UBE2R2: variants seen among roughly 807,000 people sequenced by gnomAD.
The protein encoded by UBE2R2 is ubiquitin-conjugating enzyme E2 R2.
In UBE2R2, 1 loss-of-function variant was observed where a neutral mutation model predicts 27.8. The observed-to-expected ratio is 0.04, with a 90% CI of 0.01 to 0.17. The LOEUF (loss-of-function observed/expected upper bound fraction) is 0.17. Among genes scored for constraint, UBE2R2 ranks in the 10% least tolerant of loss-of-function variants. The probability of loss-of-function intolerance (pLI) is 1.00; values close to 1 mark genes in which losing one functional copy is unlikely to be tolerated. For missense variants in UBE2R2, 100 were observed against 291.0 expected (o/e 0.34, Z 4.78); for synonymous variants, 106 against 113.3 (o/e 0.94, Z 0.41).
rs917773182 is a variant in UBE2R2, at chr9:33,897,253, G to A, written c.265-2921G>A. ...GGGTTTCACCATGTTAGCCAGGATG[G>A]TCTCAATCTCCTGACCTCGTGATCC... On this transcript the variant is annotated intron_variant, in intron 2 of 4. Transcript: ENST00000263228. Among the ~76,000 whole-genome samples, 3 of 149,870 alleles carry A rather than the reference G, an allele frequency of 2.0e-5. No homozygotes were observed. In the Admixed American group the frequency reaches 2.0e-4, roughly 10 times the overall value.
At chr9:33,911,211 C>T (rs1478134929) in intron 3 of UBE2R2, among the ~76,000 whole-genome samples, 5 of 151,520 alleles carry the variant, frequency 3.3e-5, no homozygotes, top group Non-Finnish European at 7.4e-5. Context: ...GAGTTCAAGA[C>T]CAGTCTGACC....
At chr9:33,913,498 G>A (rs1161322130) in intron 4 of UBE2R2, among the ~76,000 whole-genome samples, 1 of 152,106 alleles carries the variant, frequency 6.6e-6, no homozygotes, top group Admixed American at 6.5e-5. Context: ...TTGGCCTCAA[G>A]TGATCCTCCT....
chr9:33,910,349 G>A (rs1036018949), intron 3 of UBE2R2, among the ~76,000 whole-genome samples: 19 of 151,776 alleles, frequency 1.3e-4, no homozygotes, highest in African/African-American at 4.1e-4. Flanking sequence ...GGGTTTCACC[G>A]TGTTGGCCAG....
At chr9:33,876,849 GAGCTTGC>G (rs1342168213) in intron 1 of UBE2R2, among the ~76,000 whole-genome samples, 1 of 152,080 alleles carries the variant, frequency 6.6e-6, no homozygotes, top group Non-Finnish European at 1.5e-5. Context: ...TCGGGAGGCG[GAGCTTGC>G]AGTGAGCCGA....
intron 1 of UBE2R2, among the ~76,000 whole-genome samples, chr9:33,857,736 A>G (rs1821141587): frequency 6.6e-6 from 1 of 152,262 alleles, no homozygotes; most frequent in African/African-American, 2.4e-5. Context: ...TGTGTGAAAG[A>G]GTGGCTGATT....
At chr9:33,901,177 C>T (rs1042917817) in intron 3 of UBE2R2, among the ~76,000 whole-genome samples, 3 of 152,088 alleles carry the variant, frequency 2.0e-5, no homozygotes, top group Non-Finnish European at 4.4e-5. Context: ...TTGGGGGGTA[C>T]TGATCAGGTA....
At chr9:33,835,275 T>G (rs1478720277) in intron 1 of UBE2R2, among the ~76,000 whole-genome samples, 1 of 150,798 alleles carries the variant, frequency 6.6e-6, no homozygotes, top group Non-Finnish European at 1.5e-5. Context: ...GCCTCCCGAG[T>G]AGTTGGGACT....
At chr9:33,898,305 C>T (rs1822168148) in intron 2 of UBE2R2, among the ~76,000 whole-genome samples, 1 of 152,060 alleles carries the variant, frequency 6.6e-6, no homozygotes, top group Non-Finnish European at 1.5e-5. Flanking sequence ...TGGTCTTAAA[C>T]TCTTGACCTT....
In UBE2R2 at chr9:33,920,145, TAAAAC is replaced by T. The variant is rs1822779384; in HGVS notation, c.*2912_*2916del. 6.6e-6 allele frequency: 1 copy of T among 152,496 alleles called. No homozygotes were observed. The highest frequency in any genetic ancestry group is 2.4e-5 in the African/African-American group (1 of 41,390). The allele number at this position is 152,496 out of a possible 1,614,324, so 9.4% of individuals were successfully genotyped here. A position where few individuals can be genotyped will look rare whatever the true frequency, so the allele number is the denominator to read the frequency against. ...GAACTCTCCACCCCTCCCATCCTGA[TAAAAC>T]AAACAAGGTTTACATTTACAACTAA... On this transcript the variant is annotated 3_prime_UTR_variant, in exon 5 of 5. Coordinates refer to ENST00000263228, the MANE Select transcript of UBE2R2 (RefSeq NM_017811.4).
At position 33,920,049 on chromosome 9, in the gene UBE2R2, T is replaced by C. The variant is rs1822773334; in HGVS notation, c.*2812T>C. On this transcript the variant is annotated 3_prime_UTR_variant, in exon 5 of 5. Transcript: ENST00000263228. ...GCAAATTGCTTCTTTACTTGCTGGTTTCCTTACGTTTGGGGCACATGTTGT... is the reference window on the plus strand; with the variant it reads ...GCAAATTGCTTCTTTACTTGCTGGTCTCCTTACGTTTGGGGCACATGTTGT... The C allele has an allele frequency of 6.6e-6, 1 of 152,510 alleles. No individual in the cohort carries two copies. The highest frequency in any genetic ancestry group is 1.5e-5 in the Non-Finnish European group (1 of 68,044). The allele number at this position is 152,510 out of a possible 1,614,324, so 9.4% of individuals were successfully genotyped here. A position where few individuals can be genotyped will look rare whatever the true frequency, so the allele number is the denominator to read the frequency against.
intron 1 of UBE2R2, among the ~76,000 whole-genome samples, chr9:33,860,942 TTTTGTTTG>T (rs1183030601): frequency 6.6e-6 from 1 of 150,546 alleles, no homozygotes; most frequent in Non-Finnish European, 1.5e-5. Context: ...TTAAGTTTTT[TTTTGTTTG>T]TTTGTTTGTT....
intron 1 of UBE2R2, among the ~76,000 whole-genome samples, chr9:33,876,122 G>A (rs1821597542): frequency 6.6e-6 from 1 of 152,168 alleles, no homozygotes; most frequent in African/African-American, 2.4e-5. Flanking sequence ...AGCACTTTGG[G>A]AGGCCAAGGC....
chr9:33,920,299 A>AT lies in UBE2R2; in HGVS notation c.*3066dup, dbSNP rs1163002294. 1.3e-5 allele frequency: 2 copies of AT among 152,292 alleles called. No individual in the cohort carries two copies. Among genetic ancestry groups the AT allele is most frequent in the African/African-American group, 4.8e-5 (2 of 41,420 alleles). The allele number at this position is 152,292 out of a possible 1,614,324, so 9.4% of individuals were successfully genotyped here. Reference sequence around the variant, plus strand: ...CTTATGAGAAAAGATTATCTGACGGATTTTGTGTTGACTTCCCCTTTAGTG... The same window carrying AT: ...CTTATGAGAAAAGATTATCTGACGGATTTTTGTGTTGACTTCCCCTTTAGTG... On this transcript the variant is annotated 3_prime_UTR_variant, in exon 5 of 5. Transcript: ENST00000263228.
chr9:33,836,996 C>A (rs1012194647), intron 1 of UBE2R2, among the ~76,000 whole-genome samples: 10 of 151,956 alleles, frequency 6.6e-5, no homozygotes, highest in Non-Finnish European at 1.2e-4. Flanking sequence ...AGAGTTTTTT[C>A]TTCTGGAAGT....
intron 1 of UBE2R2, among the ~76,000 whole-genome samples, chr9:33,837,054 A>G (rs1005741967): frequency 6.6e-6 from 1 of 152,126 alleles, no homozygotes; most frequent in Non-Finnish European, 1.5e-5. Flanking sequence ...ACATTGCTGT[A>G]GGTACTTTTA....
At chr9:33,824,926 A>T (rs1202805957) in intron 1 of UBE2R2, among the ~76,000 whole-genome samples, 1 of 151,656 alleles carries the variant, frequency 6.6e-6, no homozygotes, top group Non-Finnish European at 1.5e-5. Context: ...ATTTTTTTTT[A>T]AATACCAGTT....
chr9:33,916,871 A>G, intron 4 of UBE2R2, 147 bp from the exon 5 acceptor site: 5 of 1,280,090 alleles, frequency 3.9e-6, no homozygotes, highest in Non-Finnish European at 5.3e-6. Context: ...CATTTGGTGT[A>G]GTACAGGGTA....
intron 1 of UBE2R2, among the ~76,000 whole-genome samples, chr9:33,824,041 G>GT (rs1225022426): frequency 6.6e-6 from 1 of 152,152 alleles, no homozygotes; most frequent in African/African-American, 2.4e-5. Context: ...AGGTCTAAGG[G>GT]TTTTGGAAAC....
chr9:33,898,579 T>C (rs59003563), intron 2 of UBE2R2, among the ~76,000 whole-genome samples: 9,276 of 152,258 alleles, frequency 0.061, 649 homozygotes, highest in African/African-American at 0.17. Flanking sequence ...TATATAGTTA[T>C]ACCTCCAGTT....
Sources: gnomAD v4.1 joint callset for allele counts (sites outside exome capture counted in the v4.1 genomes callset) on GRCh38, gnomAD v4.1.1 for gene constraint, MANE v1.5 for transcripts, NCBI Gene and HGNC (gene_info 2026-07-23, HGNC 2026-07-21) for gene names.